The following CPS1 variants were observed in gnomAD, a reference collection of about 807,000 sequenced individuals.
CPS1 encodes the protein carbamoyl-phosphate synthase 1.
In CPS1, 109 loss-of-function variants were observed where a neutral mutation model predicts 174.6. The observed-to-expected ratio is 0.62, with a 90% CI of 0.53 to 0.73. The LOEUF (loss-of-function observed/expected upper bound fraction) is 0.73. Among genes scored for constraint, CPS1 ranks in the 30% least tolerant of loss-of-function variants. CPS1 has a pLI of 0.00. For synonymous variants in CPS1, 637 were observed against 632.0 expected (o/e 1.01, Z -0.12); for missense variants, 1,689 against 1,821.9 (o/e 0.93, Z 1.33).
chr2:210,614,737 A>C (rs1301646906), intron 20 of CPS1, among the ~76,000 whole-genome samples: 2 of 152,000 alleles, frequency 1.3e-5, no homozygotes, highest in Non-Finnish European at 2.9e-5. Context: ...CTTTGCAGGG[A>C]CATGGATGAA....
chr2:210,533,770 C>T (rs995360794), intron 1 of CPS1, among the ~76,000 whole-genome samples: 5 of 152,162 alleles, frequency 3.3e-5, no homozygotes, highest in African/African-American at 1.2e-4. Flanking sequence ...ATGATCCCTA[C>T]AGCTGTTTCT....
In CPS1 at chr2:210,647,846, G is replaced by A; in HGVS notation, c.3142-17G>A. On this transcript the variant is annotated splice_polypyrimidine_tract_variant and intron_variant, in intron 25 of 37. Transcript: ENST00000233072. ...TGAAGTTATTCCAATGGCTGATATTGTGAGTGTATTTTCCAGGCATGTGGT... is the reference window on the plus strand; with the variant it reads ...TGAAGTTATTCCAATGGCTGATATTATGAGTGTATTTTCCAGGCATGTGGT... 1 of 1,613,518 alleles carries A rather than the reference G, an allele frequency of 6.2e-7. No individual in the cohort carries two copies. Among genetic ancestry groups the A allele is most frequent in the South Asian group, 1.1e-5 (1 of 91,060 alleles).
intron 1 of CPS1, among the ~76,000 whole-genome samples, chr2:210,510,045 C>T (rs1466651165): frequency 2.0e-5 from 3 of 152,130 alleles, no homozygotes; most frequent in Admixed American, 1.3e-4. Flanking sequence ...TCATATGGAA[C>T]CAAAAAAGAG....
chr2:210,659,769 A>T (rs957410617), intron 31 of CPS1, among the ~76,000 whole-genome samples: 2 of 152,198 alleles, frequency 1.3e-5, no homozygotes, highest in African/African-American at 4.8e-5. Context: ...GCTAGAGGGG[A>T]TGTACAAATA....
At chr2:210,615,338 G>C (rs986601272) in intron 20 of CPS1, among the ~76,000 whole-genome samples, 1 of 151,956 alleles carries the variant, frequency 6.6e-6, no homozygotes, top group Non-Finnish European at 1.5e-5. Context: ...ACATGGCTTT[G>C]AGTATTTCTG....
chr2:210,594,380 G>T (rs1232956954), intron 11 of CPS1, 128 bp from the exon 12 acceptor site: 1 of 683,790 alleles, frequency 1.5e-6, no homozygotes, highest in African/African-American at 1.8e-5. Flanking sequence ...AGCAAAAAAA[G>T]CTGAAATGCT....
At chr2:210,591,069 T>A (rs1274327668) in intron 9 of CPS1, among the ~76,000 whole-genome samples, 163 bp downstream of exon 9, 3 of 150,490 alleles carry the variant, frequency 2.0e-5, no homozygotes, top group Non-Finnish European at 3.0e-5. Flanking sequence ...AATAAATAAA[T>A]AAAATAAAAA....
chr2:210,599,326 T>A (rs1698618912), intron 13 of CPS1, 46 bp from the exon 14 acceptor site: 5 of 1,569,010 alleles, frequency 3.2e-6, no homozygotes, highest in Non-Finnish European at 4.4e-6. Flanking sequence ...GTCATTCTCT[T>A]CTTTAGACCA....
chr2:210,544,468 C>G (rs1393289632), intron 1 of CPS1, among the ~76,000 whole-genome samples: 1 of 152,000 alleles, frequency 6.6e-6, no homozygotes, highest in Non-Finnish European at 1.5e-5. Context: ...TTGACCTGTA[C>G]AAACATGTAG....
At chr2:210,660,783 C>A in intron 32 of CPS1, 128 bp downstream of exon 32, 1 of 928,328 alleles carries the variant, frequency 1.1e-6, no homozygotes, top group Non-Finnish European at 1.7e-6. Flanking sequence ...ATTTACATTT[C>A]CTTTCAATAA....
chr2:210,585,138 T>C (rs1361108357), intron 6 of CPS1, among the ~76,000 whole-genome samples: 3 of 151,996 alleles, frequency 2.0e-5, no homozygotes, highest in African/African-American at 7.2e-5. Context: ...GGTTGGCTCT[T>C]TGAGGGGAGA....
At position 210,677,121 on chromosome 2, in the gene CPS1, C is replaced by T. The variant is rs1433915902; in HGVS notation, c.4389C>T (p.Leu1463=). 2 of 1,613,842 alleles carry T rather than the reference C, an allele frequency of 1.2e-6. No homozygotes were observed. Among genetic ancestry groups the T allele is most frequent in the Admixed American group, 1.7e-5 (1 of 60,012 alleles). ...CAGCTGTTGATAGTGGAATCCCTCTCCTCACTAATTTTCAGGTATAGTCTT... is the reference window on the plus strand; with the variant it reads ...CAGCTGTTGATAGTGGAATCCCTCTTCTCACTAATTTTCAGGTATAGTCTT... ...RRTAVDSGIP[L]LTNFQVTKLF... The change falls in exon 37 of 38, where the codon CTC becomes CTT. Residue 1463 remains leucine (L), a synonymous_variant. Transcript: ENST00000233072.
chr2:210,575,642 T>A (rs1697673268), intron 2 of CPS1, among the ~76,000 whole-genome samples: 2 of 152,074 alleles, frequency 1.3e-5, no homozygotes, highest in Admixed American at 6.6e-5. Context: ...TTAGTTGGCA[T>A]CTTTTAACTT....
At chr2:210,502,418 T>G (rs1482700558) in intron 1 of CPS1, among the ~76,000 whole-genome samples, 1 of 146,414 alleles carries the variant, frequency 6.8e-6, no homozygotes, top group South Asian at 2.1e-4. Context: ...ATATATAATA[T>G]ATATATAAAA....
At chr2:210,532,228 C>T (rs559882119) in intron 1 of CPS1, among the ~76,000 whole-genome samples, 19 of 152,092 alleles carry the variant, frequency 1.2e-4, no homozygotes, top group Admixed American at 3.9e-4. Context: ...GAGTTCAAAA[C>T]GTTAAAGTGA....
intron 21 of CPS1, among the ~76,000 whole-genome samples, chr2:210,626,296 T>G (rs10176085): frequency 0.38 from 57,180 of 151,930 alleles, 11,124 homozygotes; most frequent in Middle Eastern, 0.51. Flanking sequence ...ATATAACAAA[T>G]AAACTTTCTT....
chr2:210,617,694 T>A (rs1699357940), intron 21 of CPS1: 2 of 152,054 alleles, frequency 1.3e-5, no homozygotes, highest in South Asian at 2.1e-4. Context: ...TGAAACCAGC[T>A]ATAGTTGCTT....
Position 210,654,154 on chromosome 2 carries a change from C to T in CPS1, c.3558+52C>T, listed in dbSNP as rs565505575. 1,126 of 1,524,708 alleles carry T rather than the reference C, an allele frequency of 7.4e-4. 5 individuals carry two copies. The highest frequency in any genetic ancestry group is 5.6e-3 in the Middle Eastern group (33 of 5,878). The allele number at this position is 1,524,708 out of a possible 1,614,324, so 94.4% of individuals were successfully genotyped here. A position where few individuals can be genotyped will look rare whatever the true frequency, so the allele number is the denominator to read the frequency against. Reference sequence around the variant, plus strand: ...ATTCCTGCCTTCTCATCATTTTTTTCTTTAACAATTTTGAAATATTGACAG... The same window carrying T: ...ATTCCTGCCTTCTCATCATTTTTTTTTTTAACAATTTTGAAATATTGACAG... On this transcript the variant is annotated intron_variant, in intron 29 of 37. Coordinates refer to ENST00000233072, the MANE Select transcript of CPS1 (RefSeq NM_001875.5).
intron 17 of CPS1, among the ~76,000 whole-genome samples, chr2:210,606,211 T>A (rs1306269758): frequency 6.6e-6 from 1 of 151,846 alleles, no homozygotes. Context: ...CTCATTCATG[T>A]AAAGAATGAG....
Sources: allele counts gnomAD v4.1 joint callset (sites outside exome capture counted in the v4.1 genomes callset), GRCh38; gene constraint gnomAD v4.1.1; transcripts MANE v1.5; gene names NCBI Gene and HGNC (gene_info 2026-07-23, HGNC 2026-07-21).